The following KRCC1 variants were observed in gnomAD, a reference collection of about 807,000 sequenced individuals.
KRCC1 encodes lysine-rich coiled-coil protein 1.
KRCC1 carries 3 observed loss-of-function variants against 7.4 expected under a neutral mutation model. The ratio of observed to expected loss-of-function variants is 0.40; its 90% CI spans 0.18 to 1.04. KRCC1 has a LOEUF of 1.04. Among genes scored for constraint, KRCC1 ranks in the 50% least tolerant of loss-of-function variants. The pLI, the probability that KRCC1 is intolerant of heterozygous loss-of-function variation, is 0.33. For missense variants in KRCC1, 277 were observed against 300.9 expected (o/e 0.92, Z 0.59); for synonymous variants, 102 against 101.6 (o/e 1.00, Z -0.02).
At chr2:88,029,799 G>A (rs893816793) in intron 3 of KRCC1, among the ~76,000 whole-genome samples, 1 of 147,616 alleles carries the variant, frequency 6.8e-6, no homozygotes, top group Non-Finnish European at 1.5e-5. Flanking sequence ...AGCAGAAAAT[G>A]TACTTACTAT....
chr2:88,050,129 A>C (rs1673439477), intron 1 of KRCC1, among the ~76,000 whole-genome samples: 1 of 152,248 alleles, frequency 6.6e-6, no homozygotes, highest in Non-Finnish European at 1.5e-5. Context: ...ACAGGAACTC[A>C]AAAATGTTTT....
chr2:88,036,450 C>T (rs1015448670), intron 2 of KRCC1, among the ~76,000 whole-genome samples: 1 of 150,564 alleles, frequency 6.6e-6, no homozygotes, highest in Non-Finnish European at 1.5e-5. Flanking sequence ...TCAGTTTCTT[C>T]ATCTATAAAC....
At chr2:88,037,857 T>A (rs982069902) in intron 1 of KRCC1, among the ~76,000 whole-genome samples, 1 of 152,234 alleles carries the variant, frequency 6.6e-6, no homozygotes, top group Non-Finnish European at 1.5e-5. Flanking sequence ...GCTGAAAGTG[T>A]TTCTCACTTA....
At chr2:88,038,905 T>A (rs911397729) in intron 1 of KRCC1, among the ~76,000 whole-genome samples, 1 of 152,188 alleles carries the variant, frequency 6.6e-6, no homozygotes, top group African/African-American at 2.4e-5. Context: ...TTACAATTCA[T>A]TATGAGATTT....
In KRCC1 at chr2:88,054,684, C is replaced by T. The variant is rs752949617; in HGVS notation, c.-291+942G>A. Among the ~76,000 whole-genome samples, 11 of 152,206 alleles carry T rather than the reference C, an allele frequency of 7.2e-5. No individual in the cohort carries two copies. In the South Asian group the frequency reaches 2.1e-3, roughly 29 times the overall value. On this transcript the variant is annotated intron_variant, in intron 1 of 3. Coordinates refer to ENST00000347055, the MANE Select transcript of KRCC1 (RefSeq NM_016618.3). The stretch of plus-strand genomic sequence containing the variant: ...CTACTCCCTTCATCTCCCTTTAAAA[C>T]TCGCAGTCATCTCGGTGAAAATAGG...
intron 3 of KRCC1, among the ~76,000 whole-genome samples, chr2:88,030,163 T>C (rs746976471): frequency 1.3e-5 from 2 of 150,428 alleles, no homozygotes; most frequent in Non-Finnish European, 3.0e-5. Context: ...TATATATTTT[T>C]GGTGATACAG....
chr2:88,048,020 A>T (rs1429182728), intron 1 of KRCC1, among the ~76,000 whole-genome samples: 1 of 152,008 alleles, frequency 6.6e-6, no homozygotes, highest in African/African-American at 2.4e-5. Context: ...ATATTAGGAG[A>T]CATTTTATAT....
intron 1 of KRCC1, among the ~76,000 whole-genome samples, chr2:88,039,654 T>C (rs1254829353): frequency 1.3e-5 from 2 of 152,088 alleles, no homozygotes; most frequent in Admixed American, 1.3e-4. Context: ...CGCCACTGCG[T>C]TCCAGCCTGG....
chr2:88,037,875 A>T (rs1673124670), intron 1 of KRCC1, among the ~76,000 whole-genome samples: 2 of 152,240 alleles, frequency 1.3e-5, no homozygotes, highest in Non-Finnish European at 2.9e-5. Context: ...TTAATGAATT[A>T]TCTATGCCAA....
At chr2:88,028,620 C>T (rs1353553274) in intron 3 of KRCC1, 35 bp from the exon 4 acceptor site, 11 of 931,492 alleles carry the variant, frequency 1.2e-5, no homozygotes, top group Non-Finnish European at 3.3e-6. Context: ...ACCAGATCAT[C>T]TTGTCCTGAG....
At position 88,029,854 on chromosome 2, in the gene KRCC1, ATTT is replaced by A. The variant is rs11334245; in HGVS notation, c.-22-1272_-22-1270del. On this transcript the variant is annotated intron_variant, in intron 3 of 3. Transcript: ENST00000347055. ...TATATAAAAAAATATATATATATAT[ATTT>A]TTTTTTTTGAGATGGAGTCTTGCCC... Among the ~76,000 whole-genome samples, 785 of 138,370 alleles carry A rather than the reference ATTT, an allele frequency of 5.7e-3. 7 individuals are homozygous for A. The highest frequency in any genetic ancestry group is 0.02 in the African/African-American group (765 of 37,500). 90.8% of individuals were successfully genotyped at this position (138,370 alleles called of 152,430 possible).
At chr2:88,042,999 T>C (rs1673247116) in intron 1 of KRCC1, among the ~76,000 whole-genome samples, 1 of 152,232 alleles carries the variant, frequency 6.6e-6, no homozygotes, top group Non-Finnish European at 1.5e-5. Flanking sequence ...GCATCTTTTT[T>C]AACACTATGC....
intron 3 of KRCC1, among the ~76,000 whole-genome samples, chr2:88,028,905 C>T (rs1672939160): frequency 6.6e-6 from 1 of 152,152 alleles, no homozygotes; most frequent in Non-Finnish European, 1.5e-5. Flanking sequence ...TCCACCTCAG[C>T]CTCCCAAAGT....
chr2:88,029,115 T>C (rs1232335564), intron 3 of KRCC1, among the ~76,000 whole-genome samples: 1 of 152,036 alleles, frequency 6.6e-6, no homozygotes, highest in African/African-American at 2.4e-5. Flanking sequence ...TTCTCAGAAG[T>C]GAGACGAAGA....
chr2:88,037,509 C>A (rs572440795), intron 1 of KRCC1, among the ~76,000 whole-genome samples: 1 of 152,122 alleles, frequency 6.6e-6, no homozygotes, highest in Non-Finnish European at 1.5e-5. Flanking sequence ...CAGGCCAGAG[C>A]GTGATTCTCC....
chr2:88,031,490 C>T (rs1672989778), intron 3 of KRCC1, among the ~76,000 whole-genome samples: 2 of 151,880 alleles, frequency 1.3e-5, no homozygotes, highest in African/African-American at 4.8e-5. Context: ...GGCATGGTGG[C>T]GCATGTCTGT....
rs543467482 is a variant in KRCC1 at position 88,046,330 on chromosome 2, A to G, written c.-290-9279T>C. 9.2e-5 allele frequency among the ~76,000 whole-genome samples: 14 copies of G among 152,368 alleles called. No individual in the cohort carries two copies. The South Asian group carries it at 2.7e-3, about 29-fold the overall frequency. On this transcript the variant is annotated intron_variant, in intron 1 of 3. Transcript: ENST00000347055. ...CTTACCTCTAAAATAGAGACATAAC[A>G]TATACCTCAAAAAGTTGTGGTCCTT...
intron 1 of KRCC1, among the ~76,000 whole-genome samples, chr2:88,039,209 G>C (rs1573078829): frequency 6.6e-6 from 1 of 151,818 alleles, no homozygotes; most frequent in East Asian, 1.9e-4. Context: ...ATTAATTTTT[G>C]CAAAAAATAT....
intron 2 of KRCC1, among the ~76,000 whole-genome samples, chr2:88,035,476 C>T (rs764202786): frequency 5.1e-4 from 78 of 152,108 alleles, no homozygotes; most frequent in Non-Finnish European, 9.3e-4. Flanking sequence ...GGAAGTAAGT[C>T]AGGGCCTTAG....
Sources: allele counts gnomAD v4.1 joint callset (sites outside exome capture counted in the v4.1 genomes callset), GRCh38; gene constraint gnomAD v4.1.1; transcripts MANE v1.5; gene names NCBI Gene and HGNC (gene_info 2026-07-23, HGNC 2026-07-21).